Variants in DHRSX observed in about 807,000 individuals in gnomAD.
DHRSX encodes the protein dehydrogenase/reductase X-linked, also known as polyprenol dehydrogenase.
A neutral mutation model predicts 34.0 loss-of-function variants in DHRSX; 31 were observed. The observed-to-expected ratio is 0.91, with a 90% confidence interval of 0.69 to 1.23. DHRSX has a LOEUF of 1.23. Among genes scored for constraint, DHRSX ranks in the 50% most tolerant of loss-of-function variants. DHRSX has a pLI of 0.00. For missense variants in DHRSX, 414 were observed against 428.1 expected, an observed-to-expected ratio of 0.97 and a Z score of 0.29; for synonymous variants, 201 against 183.8, an observed-to-expected ratio of 1.09 and a Z score of -0.76.
intron 1 of DHRSX, among the ~76,000 whole-genome samples, chrX:2,453,653 G>C (rs1327485172): frequency 2.0e-5 from 3 of 152,084 alleles, no homozygotes; most frequent in Non-Finnish European, 4.4e-5. Flanking sequence ...CCTGGCTATA[G>C]GGTGAGACTG....
At chrX:2,348,392 G>A (rs147571269) in intron 3 of DHRSX, among the ~76,000 whole-genome samples, 9 of 152,244 alleles carry the variant, frequency 5.9e-5, no homozygotes, top group East Asian at 1.9e-4. Flanking sequence ...GCATTTGTTC[G>A]TTCTCTCTGG....
chrX:2,361,182 C>T (rs1736888216), intron 3 of DHRSX, among the ~76,000 whole-genome samples: 2 of 152,116 alleles, frequency 1.3e-5, no homozygotes, highest in Non-Finnish European at 2.9e-5. Flanking sequence ...GCGATCTCGG[C>T]TCACTGCAAC....
At chrX:2,477,922 G>A (rs1277952722) in intron 1 of DHRSX, among the ~76,000 whole-genome samples, 3 of 151,884 alleles carry the variant, frequency 2.0e-5, no homozygotes, top group Non-Finnish European at 2.9e-5. Flanking sequence ...CCCGGGCCCG[G>A]GAAATGCACA....
intron 4 of DHRSX, among the ~76,000 whole-genome samples, chrX:2,276,553 T>C (rs1159748857): frequency 6.6e-6 from 1 of 152,130 alleles, no homozygotes; most frequent in East Asian, 1.9e-4. Context: ...TATCGTTCAT[T>C]GGTCTGTGCA....
chrX:2,405,106 C>T lies in DHRSX; in HGVS notation c.286+3639G>A, dbSNP rs2043535146. On this transcript the variant is annotated intron_variant, in intron 3 of 6. Transcript: ENST00000334651. The stretch of plus-strand genomic sequence containing the variant: ...GCAGAGGTAATAACAAGGTGTTTCA[C>T]AGCAGCTTAGGGTAGAAAGGAGGAG... 2.6e-5 allele frequency among the ~76,000 whole-genome samples: 4 copies of T among 152,106 alleles called. No individual in the cohort carries two copies. In the South Asian group the frequency reaches 8.3e-4, roughly 32 times the overall value.
chrX:2,324,399 C>A (rs2042351264), intron 3 of DHRSX, among the ~76,000 whole-genome samples: 1 of 152,188 alleles, frequency 6.6e-6, no homozygotes, highest in East Asian at 1.9e-4. Context: ...CCCTTCAGAG[C>A]TGCTCGGGGC....
At chrX:2,388,611 T>C (rs2043299339) in intron 3 of DHRSX, among the ~76,000 whole-genome samples, 1 of 151,192 alleles carries the variant, frequency 6.6e-6, no homozygotes, top group African/African-American at 2.4e-5. Context: ...CCACCCAGCC[T>C]ATGGTATTCT....
chrX:2,225,351 CATACACAT>C (rs1240601775), intron 6 of DHRSX, among the ~76,000 whole-genome samples: 58 of 151,514 alleles, frequency 3.8e-4, no homozygotes, highest in Non-Finnish European at 7.4e-4. Context: ...CAAGTACGCA[CATACACAT>C]GCACACATGC....
At chrX:2,272,497 T>G (rs1202238082) in intron 4 of DHRSX, among the ~76,000 whole-genome samples, 1 of 152,174 alleles carries the variant, frequency 6.6e-6, no homozygotes, top group Non-Finnish European at 1.5e-5. Context: ...TCTCGTTAAT[T>G]CTTTTGTAGA....
intron 6 of DHRSX, among the ~76,000 whole-genome samples, chrX:2,231,541 T>C (rs2015879033): frequency 6.6e-6 from 1 of 150,754 alleles, no homozygotes; most frequent in African/African-American, 2.4e-5. Flanking sequence ...CCTATTCTTC[T>C]ATCCCTTCCT....
chrX:2,369,329 G>A (rs185233208), intron 3 of DHRSX, among the ~76,000 whole-genome samples: 3,244 of 152,262 alleles, frequency 0.021, 124 homozygotes, highest in African/African-American at 0.074. Flanking sequence ...AATTGGTGGA[G>A]AGAAGAAAAG....
intron 4 of DHRSX, among the ~76,000 whole-genome samples, chrX:2,273,042 G>A (rs984953017): frequency 4.6e-5 from 7 of 152,166 alleles, no homozygotes; most frequent in African/African-American, 1.7e-4. Flanking sequence ...GGAGACCAAG[G>A]CGGGCAGATC....
intron 1 of DHRSX, among the ~76,000 whole-genome samples, chrX:2,485,024 C>G (rs1054337945): frequency 9.2e-5 from 14 of 152,182 alleles, no homozygotes; most frequent in African/African-American, 3.1e-4. Flanking sequence ...GCTGGGAAAA[C>G]AGTTCGAAGC....
Position 2,453,135 on chromosome X carries a change from A to G in DHRSX, c.110-27831T>C, listed in dbSNP as rs765279842. ...AAACAGGCACAGAGAGACAAATACC[A>G]TATCATCGCATATGTAGAATATAAA... is the stretch of plus-strand genomic sequence containing the variant. On this transcript the variant is annotated intron_variant, in intron 1 of 6. Transcript: ENST00000334651. 4.6e-5 allele frequency among the ~76,000 whole-genome samples: 7 copies of G among 152,314 alleles called. No individual in the cohort carries two copies. The South Asian group carries it at 1.2e-3, about 27-fold the overall frequency.
intron 2 of DHRSX, among the ~76,000 whole-genome samples, chrX:2,416,244 C>T (rs1416599555): frequency 6.6e-6 from 1 of 151,882 alleles, no homozygotes; most frequent in Non-Finnish European, 1.5e-5. Flanking sequence ...CAGAACCTTA[C>T]CCAACTGGAT....
At chrX:2,454,831 G>T (rs1341489296) in intron 1 of DHRSX, among the ~76,000 whole-genome samples, 2 of 152,068 alleles carry the variant, frequency 1.3e-5, no homozygotes, top group African/African-American at 2.4e-5. Flanking sequence ...GAATGGGATT[G>T]GTTGGGCGTG....
chrX:2,450,808 T>C (rs2044206336), intron 1 of DHRSX, among the ~76,000 whole-genome samples: 1 of 151,986 alleles, frequency 6.6e-6, no homozygotes, highest in African/African-American at 2.4e-5. Context: ...AAGTTTGTAT[T>C]CCTCCCCCAA....
At chrX:2,368,558 A>G (rs1385713197) in intron 3 of DHRSX, among the ~76,000 whole-genome samples, 1 of 152,106 alleles carries the variant, frequency 6.6e-6, no homozygotes, top group Non-Finnish European at 1.5e-5. Context: ...ACTCATTAAG[A>G]ATATTTTGAG....
intron 3 of DHRSX, among the ~76,000 whole-genome samples, chrX:2,313,136 G>A (rs1414569782): frequency 1.3e-5 from 2 of 151,212 alleles, no homozygotes; most frequent in African/African-American, 4.9e-5. Flanking sequence ...CCAAGTAGCT[G>A]GAATTACAGG....
Sources: allele counts gnomAD v4.1 joint callset (sites outside exome capture counted in the v4.1 genomes callset), GRCh38; gene constraint gnomAD v4.1.1; transcripts MANE v1.5; gene names NCBI Gene and HGNC (gene_info 2026-07-23, HGNC 2026-07-21).